The following SAA2 variants were observed in gnomAD, a reference collection of about 807,000 sequenced individuals.
SAA2 encodes serum amyloid A-2 protein.
SAA2 carries 5 observed loss-of-function variants against 9.1 expected under a neutral mutation model. The ratio of observed to expected loss-of-function variants is 0.55; its 90% confidence interval spans 0.29 to 1.16. The LOEUF is 1.16. SAA2 is among the 50% of genes most tolerant of loss of function. The pLI is 0.09. For missense variants in SAA2, 94 were observed against 153.8 expected (o/e 0.61, Z 2.06); for synonymous variants, 49 against 59.8 (o/e 0.82, Z 0.83).
chr11:18,239,503 T>C (rs1256414543), exon 4 of SAA2: 1 of 392,050 alleles, frequency 2.6e-6, no homozygotes, highest in Non-Finnish European at 4.5e-6. Context: ...TCCCATTCTC[T>C]CTTATCACTG....
Sources: allele counts gnomAD v4.1 joint callset, GRCh38; gene constraint gnomAD v4.1.1; transcripts MANE v1.5; gene names NCBI Gene and HGNC (gene_info 2026-07-23, HGNC 2026-07-21).